The following ARID1B variants were observed in gnomAD, a reference collection of about 807,000 sequenced individuals.
ARID1B encodes the protein AT-rich interactive domain-containing protein 1B.
ARID1B carries 30 observed loss-of-function variants against 212.3 expected under a neutral mutation model. That is an observed-to-expected ratio of 0.14 (90% CI 0.11 to 0.19). The LOEUF (loss-of-function observed/expected upper bound fraction) is 0.19. Among genes scored for constraint, ARID1B ranks in the 10% least tolerant of loss-of-function variants. ARID1B has a pLI of 1.00. For synonymous variants in ARID1B, 1,402 were observed against 1,301.7 expected (o/e 1.08, Z -1.66); for missense variants, 2,891 against 3,204.0 (o/e 0.90, Z 2.36).
rs1442487742 is a variant in ARID1B, at chr6:157,203,449, A to G, written c.5264-417A>G. 6.6e-6 allele frequency among the ~76,000 whole-genome samples: 1 copy of G among 152,222 alleles called. No individual in the cohort carries two copies. The highest frequency in any genetic ancestry group is 2.4e-5 in the African/African-American group (1 of 41,448). ...TGTTCTGCATACTTGGCGGCCTTCC[A>G]GGACGCCACCTTGAGACACTCGTGA... On this transcript the variant is annotated intron_variant, in intron 18 of 19. Coordinates refer to ENST00000636930, the MANE Select transcript of ARID1B (RefSeq NM_001374828.1). The surrounding 1 kb of genome is among the most constrained non-coding windows in gnomAD (Gnocchi z 4.4).
chr6:156,993,966 T>C (rs59543162), intron 4 of ARID1B, among the ~76,000 whole-genome samples: 2,773 of 152,322 alleles, frequency 0.018, 93 homozygotes, highest in African/African-American at 0.063. Flanking sequence ...TAAATACTTA[T>C]TGAATGTGTC....
At chr6:157,068,476 A>G (rs936331651) in intron 4 of ARID1B, among the ~76,000 whole-genome samples, 6 of 152,246 alleles carry the variant, frequency 3.9e-5, no homozygotes, top group Admixed American at 2.0e-4. Context: ...AGTCCAAGCA[A>G]TTGGAGAACT....
Position 157,208,303 on chromosome 6 carries a change from G to A in ARID1B, c.*412G>A. 1 of 235,798 alleles carries A rather than the reference G, an allele frequency of 4.2e-6. No homozygotes were observed. The highest frequency in any genetic ancestry group is 8.3e-6 in the Non-Finnish European group (1 of 119,766). The allele number at this position is 235,798 out of a possible 1,614,324, so 14.6% of individuals were successfully genotyped here. A position where few individuals can be genotyped will look rare whatever the true frequency, so the allele number is the denominator to read the frequency against. On this transcript the variant is annotated 3_prime_UTR_variant, in exon 20 of 20. Transcript: ENST00000636930. Reference sequence around the variant, plus strand: ...AAATTTCACCACACTGAGTCAAAAAGGTGAAAAATTATCCATTTCCTATGC... The same window carrying A: ...AAATTTCACCACACTGAGTCAAAAAAGTGAAAAATTATCCATTTCCTATGC...
chr6:156,916,176 A>T (rs751322572), intron 3 of ARID1B, among the ~76,000 whole-genome samples: 5 of 152,192 alleles, frequency 3.3e-5, no homozygotes, highest in Admixed American at 6.5e-5. Flanking sequence ...GAAGAAGTAC[A>T]CAGTTGGACA....
At chr6:156,829,568 A>G (rs948567688) in intron 2 of ARID1B, 147 bp downstream of exon 2, 26 of 980,136 alleles carry the variant, frequency 2.7e-5, no homozygotes, top group East Asian at 1.1e-4. Flanking sequence ...AATCACAGGT[A>G]TAATTTTTTT....
chr6:156,990,952 CATTG>C (rs1778242551), intron 4 of ARID1B, among the ~76,000 whole-genome samples: 2 of 152,316 alleles, frequency 1.3e-5, no homozygotes, highest in East Asian at 3.9e-4. Context: ...CAACAACTAA[CATTG>C]ATTGAGGGTT....
intron 4 of ARID1B, among the ~76,000 whole-genome samples, chr6:157,005,088 A>G (rs1583126207): frequency 6.7e-6 from 1 of 149,224 alleles, no homozygotes; most frequent in Non-Finnish European, 1.5e-5. Flanking sequence ...AATTTTTTGT[A>G]TTTTTAGTAG....
At chr6:156,811,009 TC>T (rs1031405778) in intron 1 of ARID1B, among the ~76,000 whole-genome samples, 7 of 152,108 alleles carry the variant, frequency 4.6e-5, no homozygotes, top group African/African-American at 1.4e-4. Flanking sequence ...CGGGCTGCAT[TC>T]TCATCTAGAG....
chr6:156,983,325 G>A (rs758703420), intron 4 of ARID1B, among the ~76,000 whole-genome samples: 2 of 152,110 alleles, frequency 1.3e-5, no homozygotes, highest in Non-Finnish European at 1.5e-5. Flanking sequence ...AACCCAGGCG[G>A]CAGAGGTTGC....
At chr6:156,909,067 TTCTG>T (rs1282167808) in intron 3 of ARID1B, among the ~76,000 whole-genome samples, 1 of 152,034 alleles carries the variant, frequency 6.6e-6, no homozygotes, top group African/African-American at 2.4e-5. Context: ...CTCAAAATCA[TTCTG>T]TATGTGTGTA....
chr6:156,910,128 T>C (rs1040096964), intron 3 of ARID1B, among the ~76,000 whole-genome samples: 33 of 152,356 alleles, frequency 2.2e-4, no homozygotes, highest in African/African-American at 7.7e-4. Context: ...TTGAGCGTAA[T>C]GTTTGGTTGT....
At chr6:156,833,044 A>G (rs1783253975) in intron 2 of ARID1B, among the ~76,000 whole-genome samples, 1 of 152,102 alleles carries the variant, frequency 6.6e-6, no homozygotes, top group Admixed American at 6.5e-5. Flanking sequence ...TGTTGAGTTC[A>G]GGGGGGAAAT....
intron 1 of ARID1B, among the ~76,000 whole-genome samples, chr6:156,818,828 T>C (rs1265464641): frequency 6.6e-6 from 1 of 152,160 alleles, no homozygotes; most frequent in Non-Finnish European, 1.5e-5. Flanking sequence ...CTAGGATTGA[T>C]TAGCAATGTC....
chr6:157,196,793 C>G (rs559390170), intron 16 of ARID1B, among the ~76,000 whole-genome samples: 1 of 152,296 alleles, frequency 6.6e-6, no homozygotes, highest in East Asian at 1.9e-4. Context: ...AGTGCTTTTC[C>G]CCTGTGAATA....
chr6:156,783,250 G>T (rs1170436567), intron 1 of ARID1B, among the ~76,000 whole-genome samples: 5 of 151,690 alleles, frequency 3.3e-5, no homozygotes, highest in African/African-American at 1.2e-4. Context: ...ATCACACTTG[G>T]ACACTTTTAC....
intron 7 of ARID1B, among the ~76,000 whole-genome samples, chr6:157,138,937 G>A (rs944650649): frequency 3.9e-5 from 6 of 152,290 alleles, no homozygotes; most frequent in South Asian, 2.1e-4. Flanking sequence ...ATAGGTGAAC[G>A]TAATCAAGTC....
intron 1 of ARID1B, among the ~76,000 whole-genome samples, chr6:156,818,880 C>T (rs1044268135): frequency 6.6e-6 from 1 of 151,834 alleles, no homozygotes; most frequent in African/African-American, 2.4e-5. Context: ...GTTTCCATGC[C>T]TCATTGATTA....
At chr6:157,114,921 G>T (rs1464623356) in intron 6 of ARID1B, among the ~76,000 whole-genome samples, 8 of 152,196 alleles carry the variant, frequency 5.3e-5, no homozygotes, top group Non-Finnish European at 1.0e-4. Flanking sequence ...CCAGTTTCAA[G>T]TAGCTGAACC....
intron 7 of ARID1B, among the ~76,000 whole-genome samples, chr6:157,142,169 C>T (rs888906138): frequency 3.9e-5 from 6 of 152,200 alleles, no homozygotes; most frequent in East Asian, 3.9e-4. Flanking sequence ...ATGACATGAA[C>T]GGAAATCAGA....
Sources: allele counts gnomAD v4.1 joint callset (sites outside exome capture counted in the v4.1 genomes callset), GRCh38; gene constraint gnomAD v4.1.1; non-coding constraint Gnocchi (gnomAD v3.1); transcripts MANE v1.5; gene names NCBI Gene and HGNC (gene_info 2026-07-23, HGNC 2026-07-21).